Variants in WWOX observed in about 807,000 individuals in gnomAD.
The protein encoded by WWOX is WW domain containing oxidoreductase.
Under a neutral mutation model 46.2 loss-of-function variants are expected in WWOX, and 69 were observed. The observed-to-expected ratio is 1.49, with a 90% confidence interval of 1.23 to 1.82. WWOX has a LOEUF of 1.82. Among genes scored for constraint, WWOX ranks in the 40% most tolerant of loss-of-function variants. The pLI is 0.00. For missense variants in WWOX, 919 were observed against 542.6 expected, an observed-to-expected ratio of 1.69 and a Z score of -6.89; for synonymous variants, 359 against 202.6, an observed-to-expected ratio of 1.77 and a Z score of -6.56.
At chr16:78,960,394 C>T (rs759995845) in intron 8 of WWOX, among the ~76,000 whole-genome samples, 25 of 152,224 alleles carry the variant, frequency 1.6e-4, no homozygotes, top group Admixed American at 6.5e-5. Flanking sequence ...ACCTGTCCTT[C>T]AGCCATCTAG....
rs555985259 is a variant in WWOX, at chr16:78,398,334, G to T, written c.605+11386G>T. ...TTCTCTGCTCCGCTGCTTATGTTCTGGATCCTGACTCTGAGCCTTTGCTTG... is the reference window on the plus strand; with the variant it reads ...TTCTCTGCTCCGCTGCTTATGTTCTTGATCCTGACTCTGAGCCTTTGCTTG... On this transcript the variant is annotated intron_variant, in intron 6 of 8. Transcript: ENST00000566780. Among the ~76,000 whole-genome samples, 12 of 152,220 alleles carry T rather than the reference G, an allele frequency of 7.9e-5. No homozygotes were observed. The South Asian group carries it at 2.5e-3, about 32-fold the overall frequency.
intron 8 of WWOX, among the ~76,000 whole-genome samples, chr16:78,830,539 C>A (rs1180703475): frequency 6.6e-6 from 1 of 151,990 alleles, no homozygotes; most frequent in Non-Finnish European, 1.5e-5. Context: ...CCTCCTTCCT[C>A]CCAGCAGATT....
intron 5 of WWOX, among the ~76,000 whole-genome samples, chr16:78,269,336 G>C (rs2079428713): frequency 6.6e-6 from 1 of 152,186 alleles, no homozygotes; most frequent in African/African-American, 2.4e-5. Context: ...AACCCGGATA[G>C]ACTGGAGACT....
intron 8 of WWOX, among the ~76,000 whole-genome samples, chr16:78,822,847 A>C (rs1262242882): frequency 6.6e-6 from 1 of 152,112 alleles, no homozygotes; most frequent in African/African-American, 2.4e-5. Flanking sequence ...AAGAAGAGTC[A>C]TTTGTAAATT....
In WWOX at chr16:78,477,035, T is replaced by C. The variant is rs898865612; in HGVS notation, c.1056+44283T>C. 8.5e-5 allele frequency among the ~76,000 whole-genome samples: 13 copies of C among 152,166 alleles called. 1 individual carries two copies. The highest frequency in any genetic ancestry group is 8.5e-4 in the Admixed American group (13 of 15,268). On this transcript the variant is annotated intron_variant, in intron 8 of 8. Coordinates refer to ENST00000566780, the MANE Select transcript of WWOX (RefSeq NM_016373.4). ...TGTTGGTAATTAAATAAATTATTTATACATTTAACACAATCTTGAATTACC... is the reference window on the plus strand; with the variant it reads ...TGTTGGTAATTAAATAAATTATTTACACATTTAACACAATCTTGAATTACC...
At chr16:78,942,523 G>T (rs1460389369) in intron 8 of WWOX, among the ~76,000 whole-genome samples, 2 of 152,036 alleles carry the variant, frequency 1.3e-5, no homozygotes, top group Non-Finnish European at 2.9e-5. Context: ...CTGGGCAGTG[G>T]GATGGGGGTA....
chr16:78,681,015 G>A (rs568775803), intron 8 of WWOX, among the ~76,000 whole-genome samples: 1 of 152,294 alleles, frequency 6.6e-6, no homozygotes, highest in Admixed American at 6.5e-5. Flanking sequence ...TTGGGAGGCC[G>A]AGGTGGGCGC....
At chr16:78,271,461 C>G (rs1473532126) in intron 5 of WWOX, among the ~76,000 whole-genome samples, 1 of 152,248 alleles carries the variant, frequency 6.6e-6, no homozygotes, top group African/African-American at 2.4e-5. Context: ...ATTGGAATAT[C>G]ACTGGGAATC....
intron 5 of WWOX, among the ~76,000 whole-genome samples, chr16:78,345,884 A>T (rs12600227): frequency 0.25 from 28,906 of 117,980 alleles, 9,488 homozygotes; most frequent in African/African-American, 0.44. Context: ...AATTTATGTA[A>T]AATAAATTGC....
rs145193895 is a variant in WWOX, at chr16:78,762,596, C to A, written c.1056+329844C>A. Among the ~76,000 whole-genome samples the A allele has an allele frequency of 5.4e-3, 827 of 152,308 alleles. 28 individuals are homozygous for A. The highest frequency in any genetic ancestry group is 0.049 in the Admixed American group (750 of 15,290). On this transcript the variant is annotated intron_variant, in intron 8 of 8. Coordinates refer to ENST00000566780, the MANE Select transcript of WWOX (RefSeq NM_016373.4). ...GAGGTGACACAGTACTAACAGTGGG[C>A]ACAGGGGGCTCGGGGCACAGAGGAG...
intron 8 of WWOX, among the ~76,000 whole-genome samples, chr16:78,940,286 G>C (rs2045825727): frequency 6.6e-6 from 1 of 152,240 alleles, no homozygotes; most frequent in Admixed American, 6.5e-5. Flanking sequence ...TGTGGTATTT[G>C]TTTACCCTGA....
chr16:78,862,271 C>T lies in WWOX; in HGVS notation c.1057-349337C>T, dbSNP rs146136210. ...GGGTGTGTCTGTCTGTACCTATACA[C>T]ACCTATGGGTGTGTCTTTCTGTATC... On this transcript the variant is annotated intron_variant, in intron 8 of 8. Transcript: ENST00000566780. 3.7e-3 allele frequency among the ~76,000 whole-genome samples: 567 copies of T among 151,532 alleles called. 1 individual carries two copies. The highest frequency in any genetic ancestry group is 0.013 in the African/African-American group (525 of 41,348).
intron 8 of WWOX, among the ~76,000 whole-genome samples, chr16:78,672,933 C>T (rs376535203): frequency 3.3e-4 from 51 of 152,298 alleles, no homozygotes; most frequent in African/African-American, 1.2e-3. Flanking sequence ...GTCTCTCTGG[C>T]GGTGACCTTG....
chr16:79,026,766 TGCCACCAC>T (rs2047651828), intron 8 of WWOX, among the ~76,000 whole-genome samples: 1 of 147,292 alleles, frequency 6.8e-6, no homozygotes, highest in African/African-American at 2.6e-5. Context: ...TACAGGCGAC[TGCCACCAC>T]GCCCGGCTAA....
At chr16:78,181,091 A>T (rs1483533141) in intron 5 of WWOX, among the ~76,000 whole-genome samples, 1 of 152,170 alleles carries the variant, frequency 6.6e-6, no homozygotes, top group Admixed American at 6.5e-5. Flanking sequence ...AGATAAATGT[A>T]TACTGAAAGA....
chr16:78,735,394 AACACACAC>A lies in WWOX; in HGVS notation c.1056+302667_1056+302674del, dbSNP rs35975130. 9.3e-3 allele frequency among the ~76,000 whole-genome samples: 1,129 copies of A among 121,380 alleles called. 14 individuals carry two copies. The highest frequency in any genetic ancestry group is 0.031 in the African/African-American group (992 of 32,314). 79.6% of individuals were successfully genotyped at this position (121,380 alleles called of 152,430 possible). ...AGAGATGTCATACACACCACACACA[AACACACAC>A]ACACACACACACACACACACACACT... On this transcript the variant is annotated intron_variant, in intron 8 of 8. Transcript: ENST00000566780.
intron 5 of WWOX, among the ~76,000 whole-genome samples, chr16:78,365,218 G>C (rs1442500265): frequency 6.6e-6 from 1 of 152,208 alleles, no homozygotes. Context: ...AGAGTAACTG[G>C]TGGGTCTGTG....
At chr16:78,780,122 G>T in intron 8 of WWOX, among the ~76,000 whole-genome samples, 1 of 152,198 alleles carries the variant, frequency 6.6e-6, no homozygotes, top group South Asian at 2.1e-4. Context: ...TGAGCCCCTG[G>T]GGTCCTACAC....
intron 4 of WWOX, among the ~76,000 whole-genome samples, chr16:78,143,696 A>G (rs1291429931): frequency 1.3e-5 from 2 of 150,876 alleles, no homozygotes; most frequent in Non-Finnish European, 2.9e-5. Flanking sequence ...GATTCCTCTA[A>G]TAAGTTTTCA....
Sources: gnomAD v4.1 joint callset for allele counts (sites outside exome capture counted in the v4.1 genomes callset) on GRCh38, gnomAD v4.1.1 for gene constraint, MANE v1.5 for transcripts, NCBI Gene and HGNC (gene_info 2026-07-23, HGNC 2026-07-21) for gene names.